The following BANK1 variants were observed in gnomAD, a reference collection of about 807,000 sequenced individuals.
The protein encoded by BANK1 is B-cell scaffold protein with ankyrin repeats.
BANK1 carries 95 observed loss-of-function variants against 94.5 expected under a neutral mutation model. The ratio of observed to expected loss-of-function variants is 1.00; its 90% CI spans 0.85 to 1.19. The LOEUF is 1.19. Ranked by LOEUF, BANK1 falls within the 50% of genes most tolerant of loss-of-function variation. The pLI is 0.00. For missense variants in BANK1, 987 were observed against 932.2 expected (o/e 1.06, Z -0.77); for synonymous variants, 334 against 308.4 (o/e 1.08, Z -0.87).
intron 7 of BANK1, among the ~76,000 whole-genome samples, chr4:102,011,409 C>A (rs1726507840): frequency 6.6e-6 from 1 of 152,166 alleles, no homozygotes; most frequent in African/African-American, 2.4e-5. Context: ...AAATGCTAAC[C>A]TATCACTTCA....
rs180741520 is a variant in BANK1 at position 101,807,370 on chromosome 4, A to G, written c.70+16420A>G. On this transcript the variant is annotated intron_variant, in intron 1 of 16. Coordinates refer to ENST00000322953, the MANE Select transcript of BANK1 (RefSeq NM_017935.5). ...GATTGAAAATAAAATGGTTGAAAAAATTATAGCTAAGGACAGGCTCTGGGC... is the reference window on the plus strand; with the variant it reads ...GATTGAAAATAAAATGGTTGAAAAAGTTATAGCTAAGGACAGGCTCTGGGC... 2.5e-3 allele frequency among the ~76,000 whole-genome samples: 375 copies of G among 152,326 alleles called. 3 individuals are homozygous for G. Among genetic ancestry groups the G allele is most frequent in the African/African-American group, 8.3e-3 (347 of 41,570 alleles).
intron 7 of BANK1, among the ~76,000 whole-genome samples, chr4:101,954,954 T>G (rs1385321092): frequency 1.3e-5 from 2 of 152,026 alleles, no homozygotes; most frequent in African/African-American, 4.8e-5. Flanking sequence ...ATTAGAAATA[T>G]AAAGGTCAGT....
intron 10 of BANK1, 34 bp from the exon 11 acceptor site, chr4:102,043,805 G>A (rs188023505): frequency 1.4e-6 from 2 of 1,431,432 alleles, no homozygotes; most frequent in Non-Finnish European, 1.9e-6. Flanking sequence ...GAACGTTTAT[G>A]TTCAGTAAAT....
At chr4:101,948,571 T>C (rs1190390332) in intron 7 of BANK1, among the ~76,000 whole-genome samples, 3 of 152,160 alleles carry the variant, frequency 2.0e-5, no homozygotes, top group Non-Finnish European at 4.4e-5. Context: ...CTCTGTTTTT[T>C]ATATTTTCTC....
chr4:102,039,615 T>C (rs556051764), intron 10 of BANK1, among the ~76,000 whole-genome samples: 1 of 152,236 alleles, frequency 6.6e-6, no homozygotes, highest in South Asian at 2.1e-4. Context: ...TGATGGTTCC[T>C]CATCCCTATC....
intron 11 of BANK1, among the ~76,000 whole-genome samples, chr4:102,055,605 A>G (rs191868331): frequency 2.0e-5 from 3 of 152,180 alleles, no homozygotes; most frequent in Admixed American, 6.5e-5. Flanking sequence ...CATCAACTAT[A>G]AGACTCTTAA....
chr4:101,894,383 T>C (rs1448713161), intron 5 of BANK1, among the ~76,000 whole-genome samples: 1 of 152,066 alleles, frequency 6.6e-6, no homozygotes, highest in Non-Finnish European at 1.5e-5. Flanking sequence ...AGCACGACTT[T>C]CAAGAAATCC....
chr4:102,030,963 G>A (rs909010268), intron 10 of BANK1, among the ~76,000 whole-genome samples: 2 of 152,176 alleles, frequency 1.3e-5, no homozygotes, highest in African/African-American at 4.8e-5. Context: ...CCAGTAATGG[G>A]ATTGCTGGGT....
intron 6 of BANK1, among the ~76,000 whole-genome samples, chr4:101,915,258 C>T (rs1264859437): frequency 6.6e-6 from 1 of 152,084 alleles, no homozygotes; most frequent in African/African-American, 2.4e-5. Flanking sequence ...GTGCAAATGA[C>T]ACTATGACTA....
At chr4:101,935,225 C>A (rs1030846136) in intron 7 of BANK1, among the ~76,000 whole-genome samples, 1 of 151,422 alleles carries the variant, frequency 6.6e-6, no homozygotes, top group African/African-American at 2.4e-5. Flanking sequence ...CATAGTAAAA[C>A]TGAACACTCA....
At chr4:101,992,340 T>C (rs1725735655) in intron 7 of BANK1, among the ~76,000 whole-genome samples, 1 of 152,180 alleles carries the variant, frequency 6.6e-6, no homozygotes, top group Non-Finnish European at 1.5e-5. Flanking sequence ...CAAAATAATG[T>C]AGATATTTGT....
chr4:101,850,900 G>A (rs1018767191), intron 2 of BANK1, among the ~76,000 whole-genome samples: 26 of 152,030 alleles, frequency 1.7e-4, no homozygotes, highest in African/African-American at 6.3e-4. Context: ...CACTGACTGG[G>A]TATTCCCCCA....
intron 6 of BANK1, among the ~76,000 whole-genome samples, chr4:101,906,547 G>C (rs574608934): frequency 3.4e-4 from 52 of 152,218 alleles, no homozygotes; most frequent in African/African-American, 1.2e-3. Flanking sequence ...GGTGCAGAAG[G>C]GTAGGGATGA....
intron 6 of BANK1, among the ~76,000 whole-genome samples, chr4:101,914,893 C>T (rs536745131): frequency 1.3e-5 from 2 of 152,100 alleles, no homozygotes; most frequent in African/African-American, 4.8e-5. Context: ...AAAACTGTGA[C>T]AGTTGTGGCA....
chr4:101,814,909 A>G (rs1470956894), intron 1 of BANK1, among the ~76,000 whole-genome samples: 1 of 152,192 alleles, frequency 6.6e-6, no homozygotes, highest in African/African-American at 2.4e-5. Flanking sequence ...CACATTTATT[A>G]TATAATAGAA....
chr4:101,881,196 G>A (rs1728662895), intron 5 of BANK1, among the ~76,000 whole-genome samples: 1 of 151,600 alleles, frequency 6.6e-6, no homozygotes, highest in Admixed American at 6.6e-5. Context: ...TAATAACCAG[G>A]ATATATAAGG....
chr4:102,057,950 A>T (rs898387876), intron 11 of BANK1, among the ~76,000 whole-genome samples: 1 of 152,180 alleles, frequency 6.6e-6, no homozygotes, highest in Admixed American at 6.5e-5. Flanking sequence ...ATGCTTTATT[A>T]TATATACAAC....
intron 7 of BANK1, among the ~76,000 whole-genome samples, chr4:101,979,229 C>A (rs1383415408): frequency 6.6e-6 from 1 of 151,864 alleles, no homozygotes; most frequent in Non-Finnish European, 1.5e-5. Context: ...TATTTCACTG[C>A]AGCAAAGGCT....
At chr4:101,947,296 T>C (rs1182197773) in intron 7 of BANK1, among the ~76,000 whole-genome samples, 1 of 79,080 alleles carries the variant, frequency 1.3e-5, no homozygotes, top group Non-Finnish European at 3.4e-5. Context: ...TATATATATA[T>C]ATATATATAT....
Sources: gnomAD v4.1 joint callset for allele counts (sites outside exome capture counted in the v4.1 genomes callset) on GRCh38, gnomAD v4.1.1 for gene constraint, MANE v1.5 for transcripts, NCBI Gene and HGNC (gene_info 2026-07-23, HGNC 2026-07-21) for gene names.